The following GPR142 variants were observed in gnomAD, a reference collection of about 807,000 sequenced individuals.
The protein encoded by GPR142 is G-protein coupled receptor 142 long form.
A neutral mutation model predicts 10.6 loss-of-function variants in GPR142; 9 were observed. That is an observed-to-expected ratio of 0.85 (90% confidence interval 0.51 to 1.48). The LOEUF (loss-of-function observed/expected upper bound fraction) is 1.48. Ranked by LOEUF, GPR142 falls within the 40% of genes most tolerant of loss-of-function variation. GPR142 has a pLI of 0.00. For missense variants in GPR142, 482 were observed against 506.0 expected (o/e 0.95, Z 0.45); for synonymous variants, 202 against 221.2 (o/e 0.91, Z 0.77).
intron 1 of GPR142, 90 bp downstream of exon 1, chr17:74,367,884 G>T: frequency 1.6e-6 from 2 of 1,269,452 alleles, no homozygotes. Context: ...CTGAATCCAG[G>T]GAGCTCTAGT....
rs1281710806 is a variant in GPR142, at chr17:74,372,600, G to A, written c.1125G>A (p.Ter375=). The stretch of plus-strand genomic sequence containing the variant: ...GACTCCCCACAGGGGCAGAAGTGTA[G>A]AGGAGGGGGCCCAGCTAGGGAGCTC... ...PPGLPTGAEV[*] The change falls in exon 4 of 4, where the codon TAG becomes TAA. Residue 375 remains the stop codon, a stop_retained_variant. Transcript: ENST00000582579. 1.3e-6 allele frequency: 2 copies of A among 1,599,136 alleles called. No individual in the cohort carries two copies. The highest frequency in any genetic ancestry group is 4.5e-5 in the East Asian group (2 of 44,800).
At chr17:74,371,616 G>A in intron 3 of GPR142, 113 bp from the exon 4 acceptor site, 1 of 1,120,490 alleles carries the variant, frequency 8.9e-7, no homozygotes, top group Non-Finnish European at 1.2e-6. Context: ...AAAAAGAGAA[G>A]CCAGCGCAGC....
In GPR142 at chr17:74,370,557, A is replaced by C; in HGVS notation, c.131A>C (p.His44Pro). 6.2e-7 allele frequency: 1 copy of C among 1,612,920 alleles called. No individual in the cohort carries two copies. The highest frequency in any genetic ancestry group is 1.1e-5 in the South Asian group (1 of 90,890). The stretch of plus-strand genomic sequence containing the variant: ...CGAGTGACCCTGCTGCCCACGCCCC[A>C]CGTCAGCGGGCTGAGCCAGGAGTTT... ...QPRVTLLPTP[H>P]VSGLSQEFES... The change falls in exon 3 of 4, where the codon CAC (histidine) becomes CCC (proline). Residue 44 changes from histidine (H) to proline (P), a missense_variant. Physicochemically the swap from His to Pro is moderately conservative, Grantham distance 77 (BLOSUM62 -2). Coordinates refer to ENST00000582579, the MANE Select transcript of GPR142 (RefSeq NM_001331076.1).
rs2055015911 is a variant in GPR142 at position 74,370,563 on chromosome 17, G to A, written c.137G>A (p.Ser46Asn). 3.1e-6 allele frequency: 5 copies of A among 1,613,710 alleles called. No homozygotes were observed. The South Asian group carries it at 3.3e-5, about 11-fold the overall frequency. Residue 46 changes from serine (S) to asparagine (N), a missense_variant, in exon 3 of 4, where the codon AGC (serine) becomes AAC (asparagine). Physicochemically the swap from Ser to Asn is conservative, Grantham distance 46 (BLOSUM62 1). Coordinates refer to ENST00000582579, the MANE Select transcript of GPR142 (RefSeq NM_001331076.1). ...ACCCTGCTGCCCACGCCCCACGTCA[G>A]CGGGCTGAGCCAGGAGTTTGAAAGC... ...RVTLLPTPHV[S>N]GLSQEFESHW...
chr17:74,372,026 C>G lies in GPR142; in HGVS notation c.551C>G (p.Pro184Arg), dbSNP rs377031155. 115 of 1,613,732 alleles carry G rather than the reference C, an allele frequency of 7.1e-5. No homozygotes were observed. The highest frequency in any genetic ancestry group is 6.2e-5 in the Non-Finnish European group (73 of 1,180,026). ...HPLHHRAASS[P>R]GRTRRAIAAV... ...CTGCACCATCGGGCCGCCTCGTCCC[C>G]AGGCCGGACCCGCCGGGCCATTGCT... is the stretch of plus-strand genomic sequence containing the variant. The change falls in exon 4 of 4, where the codon CCA becomes CGA. Residue 184 changes from proline (P) to arginine (R), a missense_variant. Transcript: ENST00000582579.
chr17:74,372,362 C>A lies in GPR142; in HGVS notation c.887C>A (p.Ala296Asp), dbSNP rs2055036246. 1 of 1,614,070 alleles carries A rather than the reference C, an allele frequency of 6.2e-7. No individual in the cohort carries two copies. The highest frequency in any genetic ancestry group is 1.1e-5 in the South Asian group (1 of 91,074). Residue 296 changes from alanine to aspartate, a missense_variant, in exon 4 of 4, where the codon GCC (alanine) becomes GAC (aspartate). Ala to Asp is a moderately radical substitution (Grantham distance 126). Coordinates refer to ENST00000582579, the MANE Select transcript of GPR142 (RefSeq NM_001331076.1). ...VFVMLYHMYV[A>D]PVHRDWRVHL... ...GTCATGCTCTACCACATGTACGTGG[C>A]CCCTGTCCACCGGGACTGGAGGGTC...
In GPR142 at chr17:74,367,597, AT is replaced by A. The variant is rs2054990355; in HGVS notation, c.-270del. 6.2e-7 allele frequency: 1 copy of A among 1,614,058 alleles called. No homozygotes were observed. The highest frequency in any genetic ancestry group is 1.7e-5 in the Admixed American group (1 of 59,998). Reference sequence around the variant, plus strand: ...ACTGCTGTCCTGGGTACAGAAGCATATACTGAGGAAGACAAATCAATGGTGT... The same window carrying A: ...ACTGCTGTCCTGGGTACAGAAGCATAACTGAGGAAGACAAATCAATGGTGT... On this transcript the variant is annotated 5_prime_UTR_variant, in exon 1 of 4. The change creates a premature stop within an existing upstream ORF in the 5' untranslated region. Transcript: ENST00000582579.
In GPR142 at chr17:74,371,654, A is replaced by G. The variant is rs551736773; in HGVS notation, c.254-75A>G. ...CTGCACATGCAGATGGGGAGGTGCG[A>G]TGGCGACACCTTGGAAAGCAGAGTC... is the stretch of plus-strand genomic sequence containing the variant. On this transcript the variant is annotated intron_variant, in intron 3 of 3. Transcript: ENST00000582579. The G allele has an allele frequency of 4.6e-5, 66 of 1,433,514 alleles. No homozygotes were observed. In the South Asian group the frequency reaches 5.6e-4, roughly 12 times the overall value. The allele number at this position is 1,433,514 out of a possible 1,614,324, so 88.8% of individuals were successfully genotyped here. A position where few individuals can be genotyped will look rare whatever the true frequency, so the allele number is the denominator to read the frequency against.
Position 74,372,562 on chromosome 17 carries a change from A to T in GPR142, c.1087A>T (p.Met363Leu). Reference protein sequence around the residue: ...QPEGMAAKPVMEPPGLPTGAE... With the variant: ...QPEGMAAKPVLEPPGLPTGAE... ...AGAGGGCATGGCGGCGAAGCCTGTG[A>T]TGGAGCCTCCGGGACTCCCCACAGG... Residue 363 changes from methionine (M) to leucine (L), a missense_variant, in exon 4 of 4, where the codon ATG becomes TTG. Met to Leu is a conservative substitution (Grantham distance 15, BLOSUM62 2). Transcript: ENST00000582579. 3 of 1,609,940 alleles carry T rather than the reference A, an allele frequency of 1.9e-6. No individual in the cohort carries two copies. Among genetic ancestry groups the T allele is most frequent in the Non-Finnish European group, 2.5e-6 (3 of 1,179,994 alleles).
intron 2 of GPR142, among the ~76,000 whole-genome samples, chr17:74,370,239 G>T (rs1455749269): frequency 6.6e-6 from 1 of 152,192 alleles, no homozygotes; most frequent in Non-Finnish European, 1.5e-5. Flanking sequence ...CCATGGGGAG[G>T]ACCCATGGGG....
rs184928291 is a variant in GPR142 at position 74,369,361 on chromosome 17, G to A, written c.-73-107G>A. 297 of 1,073,686 alleles carry A rather than the reference G, an allele frequency of 2.8e-4. 2 individuals are homozygous for A. In the African/African-American group the frequency reaches 4.4e-3, roughly 16 times the overall value. The allele number at this position is 1,073,686 out of a possible 1,614,324, so 66.5% of individuals were successfully genotyped here. ...CCCCTTCCCCTGCCTGTGCGCCTTA[G>A]AGCACCCTGGTTTGCTCCACCAGCA... is the stretch of plus-strand genomic sequence containing the variant. On this transcript the variant is annotated intron_variant, in intron 1 of 3. Transcript: ENST00000582579.
chr17:74,372,352 A>G lies in GPR142; in HGVS notation c.877A>G (p.Met293Val), dbSNP rs764931776. The change falls in exon 4 of 4, where the codon ATG becomes GTG. Residue 293 changes from methionine (M) to valine (V), a missense_variant. Physicochemically the swap from Met to Val is conservative, Grantham distance 21. Transcript: ENST00000582579. ...CCGGGTCTTCGTCATGCTCTACCACATGTACGTGGCCCCTGTCCACCGGGA... is the reference window on the plus strand; with the variant it reads ...CCGGGTCTTCGTCATGCTCTACCACGTGTACGTGGCCCCTGTCCACCGGGA... ...APRVFVMLYH[M>V]YVAPVHRDWR... is the part of the protein sequence containing the mutation. 16 of 1,614,032 alleles carry G rather than the reference A, an allele frequency of 9.9e-6. 1 individual carries two copies. The South Asian group carries it at 1.8e-4, about 18-fold the overall frequency.
At chr17:74,369,838 C>A (rs988899738) in intron 2 of GPR142, among the ~76,000 whole-genome samples, 1 of 152,126 alleles carries the variant, frequency 6.6e-6, no homozygotes, top group African/African-American at 2.4e-5. Flanking sequence ...GGAACAGGGG[C>A]CAGAGTGGAC....
chr17:74,371,290 G>T (rs1310810380), intron 3 of GPR142, among the ~76,000 whole-genome samples: 1 of 151,904 alleles, frequency 6.6e-6, no homozygotes, highest in Non-Finnish European at 1.5e-5. Context: ...CCAAGTAGCT[G>T]GGATTACAGG....
Position 74,370,552 on chromosome 17 carries a change from G to A in GPR142, c.126G>A (p.Thr42=), listed in dbSNP as rs759816634. 1.2e-5 allele frequency: 20 copies of A among 1,613,174 alleles called. No homozygotes were observed. The highest frequency in any genetic ancestry group is 2.7e-5 in the African/African-American group (2 of 74,904). Reference sequence around the variant, plus strand: ...AGCCACGAGTGACCCTGCTGCCCACGCCCCACGTCAGCGGGCTGAGCCAGG... The same window carrying A: ...AGCCACGAGTGACCCTGCTGCCCACACCCCACGTCAGCGGGCTGAGCCAGG... ...AGQPRVTLLP[T]PHVSGLSQEF... The change falls in exon 3 of 4, where the codon ACG becomes ACA. Residue 42 remains threonine, a synonymous_variant. Coordinates refer to ENST00000582579, the MANE Select transcript of GPR142 (RefSeq NM_001331076.1).
chr17:74,371,664 C>T, intron 3 of GPR142, 65 bp from the exon 4 acceptor site: 1 of 1,499,386 alleles, frequency 6.7e-7, no homozygotes, highest in Non-Finnish European at 9.0e-7. Context: ...ATGGCGACAC[C>T]TTGGAAAGCA....
rs893851083 is a variant in GPR142, at chr17:74,367,879, T to G, written c.-74+85T>G. 18 of 1,282,674 alleles carry G rather than the reference T, an allele frequency of 1.4e-5. No individual in the cohort carries two copies. In the African/African-American group the frequency reaches 2.6e-4, roughly 18 times the overall value. 79.5% of individuals were successfully genotyped at this position (1,282,674 alleles called of 1,614,324 possible). ...CATCTCTCCCTCTCCTCGCTCTGAA[T>G]CCAGGGAGCTCTAGTTTTCTGTGTA... On this transcript the variant is annotated intron_variant, in intron 1 of 3. Transcript: ENST00000582579.
At chr17:74,369,122 C>T (rs917496354) in intron 1 of GPR142, among the ~76,000 whole-genome samples, 1 of 152,126 alleles carries the variant, frequency 6.6e-6, no homozygotes, top group South Asian at 2.1e-4. Context: ...AGTCCTTCTG[C>T]CTGTCCCCAA....
chr17:74,369,514 G>T lies in GPR142; in HGVS notation c.-27G>T. ...CCTGGGGCAAACAACCACTTGGAGA[G>T]CCAAGGGGTGAGAGGTACAGCTGGC... On this transcript the variant is annotated 5_prime_UTR_variant, in exon 2 of 4. Coordinates refer to ENST00000582579, the MANE Select transcript of GPR142 (RefSeq NM_001331076.1). The T allele has an allele frequency of 1.3e-6, 2 of 1,559,272 alleles. No individual in the cohort carries two copies. Among genetic ancestry groups the T allele is most frequent in the Non-Finnish European group, 1.7e-6 (2 of 1,150,810 alleles).
Sources: allele counts gnomAD v4.1 joint callset (sites outside exome capture counted in the v4.1 genomes callset), GRCh38; gene constraint gnomAD v4.1.1; transcripts MANE v1.5; gene names NCBI Gene and HGNC (gene_info 2026-07-23, HGNC 2026-07-21).